DCDC1: variants seen among roughly 807,000 people sequenced by gnomAD.
The protein encoded by DCDC1 is doublecortin domain-containing protein 1.
Under a neutral mutation model 178.3 loss-of-function variants are expected in DCDC1, and 200 were observed. The ratio of observed to expected loss-of-function variants is 1.12; its 90% CI spans 1.00 to 1.26. The LOEUF is 1.26. Ranked by LOEUF, DCDC1 falls within the 50% of genes most tolerant of loss-of-function variation. DCDC1 has a pLI of 0.00. For synonymous variants in DCDC1, 690 were observed against 604.8 expected (o/e 1.14, Z -2.07); for missense variants, 1,983 against 1,749.2 (o/e 1.13, Z -2.38).
intron 20 of DCDC1, among the ~76,000 whole-genome samples, chr11:31,026,057 A>G (rs960039958): frequency 1.3e-5 from 2 of 151,854 alleles, no homozygotes; most frequent in Non-Finnish European, 3.0e-5. Context: ...GAAAGGAAAG[A>G]GAACATTTGA....
At chr11:31,249,561 A>G (rs1455110612) in intron 8 of DCDC1, among the ~76,000 whole-genome samples, 2 of 152,168 alleles carry the variant, frequency 1.3e-5, no homozygotes, top group East Asian at 3.9e-4. Flanking sequence ...CCTGGAACCA[A>G]GGAAAAGTCA....
At chr11:31,213,743 G>A (rs1388745424) in intron 9 of DCDC1, among the ~76,000 whole-genome samples, 1 of 151,232 alleles carries the variant, frequency 6.6e-6, no homozygotes, top group African/African-American at 2.4e-5. Flanking sequence ...AAAAAAAAGT[G>A]GTCATCTTCT....
At chr11:31,125,168 T>C (rs946883257) in intron 11 of DCDC1, among the ~76,000 whole-genome samples, 1 of 151,872 alleles carries the variant, frequency 6.6e-6, no homozygotes, top group Non-Finnish European at 1.5e-5. Flanking sequence ...AATAAACATA[T>C]GAAAAAAAGC....
At chr11:31,171,633 C>T (rs560959396) in intron 9 of DCDC1, among the ~76,000 whole-genome samples, 6 of 152,104 alleles carry the variant, frequency 3.9e-5, no homozygotes, top group African/African-American at 7.2e-5. Context: ...CTAGAAGAGA[C>T]GATCATTATT....
intron 17 of DCDC1, among the ~76,000 whole-genome samples, chr11:31,081,872 C>T (rs75364072): frequency 0.011 from 1,665 of 152,216 alleles, 34 homozygotes; most frequent in African/African-American, 0.039. Context: ...TGAAGTGCCA[C>T]GTTAGGCTGG....
chr11:30,875,156 C>G (rs992430323), intron 38 of DCDC1, among the ~76,000 whole-genome samples: 1 of 152,142 alleles, frequency 6.6e-6, no homozygotes, highest in African/African-American at 2.4e-5. Flanking sequence ...TACGGTTACA[C>G]GGTCAGTCCA....
At chr11:31,335,164 C>T (rs1431361341) in intron 2 of DCDC1, among the ~76,000 whole-genome samples, 1 of 152,154 alleles carries the variant, frequency 6.6e-6, no homozygotes, top group Non-Finnish European at 1.5e-5. Context: ...CAGACTGCTT[C>T]ACTAGTAGTG....
In DCDC1 at chr11:31,299,794, T is replaced by C. The variant is rs141167355; in HGVS notation, c.754+5821A>G. Among the ~76,000 whole-genome samples the C allele has an allele frequency of 4.6e-5, 7 of 152,300 alleles. No homozygotes were observed. The East Asian group carries it at 1.2e-3, about 25-fold the overall frequency. On this transcript the variant is annotated intron_variant, in intron 6 of 38. Transcript: ENST00000684477. The stretch of plus-strand genomic sequence containing the variant: ...AATAACATTTCAGGTAACTATCATA[T>C]GCCAGGTTTTTATATCATCTTCTTT...
chr11:31,004,200 G>A (rs1453926432), intron 20 of DCDC1, among the ~76,000 whole-genome samples: 3 of 152,062 alleles, frequency 2.0e-5, no homozygotes, highest in Non-Finnish European at 4.4e-5. Context: ...TTAGTTTTAT[G>A]CACAAATGGA....
rs1319660573 is a variant in DCDC1 at position 30,916,876 on chromosome 11, T to A, written c.3446A>T (p.Lys1149Ile). Residue 1149 changes from lysine (K) to isoleucine (I), a missense_variant, in exon 26 of 39, where the codon AAA (lysine) becomes ATA (isoleucine). Physicochemically the swap from Lys to Ile is moderately radical, Grantham distance 102. Transcript: ENST00000684477. The part of the protein sequence containing the change: ...GLFENVEPQK[K>I]HSCSPKHSKL... ...ATCCTTTGCAACTTTTTACCTGTGT[T>A]TCTTCTGTGGTTCCACATTTTCAAA... 1.2e-6 allele frequency: 2 copies of A among 1,601,994 alleles called. No individual in the cohort carries two copies. Among genetic ancestry groups the A allele is most frequent in the Admixed American group, 3.5e-5 (2 of 57,852 alleles).
At chr11:31,148,871 A>G (rs1964795042) in intron 9 of DCDC1, among the ~76,000 whole-genome samples, 1 of 152,020 alleles carries the variant, frequency 6.6e-6, no homozygotes, top group Non-Finnish European at 1.5e-5. Flanking sequence ...TGTGCCCAAT[A>G]TGTAGTATTT....
intron 20 of DCDC1, among the ~76,000 whole-genome samples, chr11:30,952,871 C>A (rs957060514): frequency 6.6e-6 from 1 of 151,946 alleles, no homozygotes; most frequent in Admixed American, 6.5e-5. Context: ...ACATAAATAA[C>A]AATATTAACA....
chr11:30,986,833 C>G (rs903216131), intron 20 of DCDC1, among the ~76,000 whole-genome samples: 6 of 151,998 alleles, frequency 3.9e-5, no homozygotes, highest in East Asian at 3.9e-4. Context: ...GTAGGAAATT[C>G]CAAATATAAT....
intron 1 of DCDC1, among the ~76,000 whole-genome samples, chr11:31,356,670 CA>C (rs1278820517): frequency 1.3e-5 from 2 of 149,856 alleles, no homozygotes; most frequent in African/African-American, 4.9e-5. Context: ...AAAGGATCAA[CA>C]AAATTGATAG....
intron 20 of DCDC1, among the ~76,000 whole-genome samples, chr11:30,960,203 T>G (rs1475008738): frequency 1.3e-5 from 2 of 152,164 alleles, no homozygotes; most frequent in Non-Finnish European, 2.9e-5. Context: ...TATGTATATA[T>G]CTTATATAAG....
intron 3 of DCDC1, chr11:31,314,674 G>A (rs1343478822): frequency 1.3e-5 from 2 of 152,148 alleles, no homozygotes; most frequent in Admixed American, 1.3e-4. Flanking sequence ...AGCTTTCTAA[G>A]TTATCAATCT....
chr11:31,333,504 C>T (rs544696291), intron 2 of DCDC1, among the ~76,000 whole-genome samples: 28 of 152,312 alleles, frequency 1.8e-4, no homozygotes, highest in African/African-American at 6.7e-4. Flanking sequence ...CATGTTTTTG[C>T]AGTGGCTGGT....
chr11:30,875,818 G>T (rs909441449), intron 38 of DCDC1, among the ~76,000 whole-genome samples: 1 of 152,094 alleles, frequency 6.6e-6, no homozygotes, highest in African/African-American at 2.4e-5. Flanking sequence ...GCCCTTCAAA[G>T]CTACCTTTGC....
intron 23 of DCDC1, 65 bp from the exon 24 acceptor site, chr11:30,922,703 A>G (rs555947289): frequency 7.2e-7 from 1 of 1,392,892 alleles, no homozygotes; most frequent in East Asian, 3.0e-5. Flanking sequence ...GTAATAATCT[A>G]AACTGGAAAC....
Sources: gnomAD v4.1 joint callset for allele counts (sites outside exome capture counted in the v4.1 genomes callset) on GRCh38, gnomAD v4.1.1 for gene constraint, MANE v1.5 for transcripts, NCBI Gene and HGNC (gene_info 2026-07-23, HGNC 2026-07-21) for gene names.